GULP1: variants seen among roughly 807,000 people sequenced by gnomAD.
GULP1 encodes GULP PTB domain containing engulfment adaptor 1.
A neutral mutation model predicts 40.9 loss-of-function variants in GULP1; 19 were observed. The ratio of observed to expected loss-of-function variants is 0.46; its 90% CI spans 0.32 to 0.68. The LOEUF (loss-of-function observed/expected upper bound fraction) is 0.68, where lower values mean the gene tolerates loss of function less well. Ranked by LOEUF, GULP1 falls within the 30% of genes least tolerant of loss-of-function variation. The pLI is 0.03. For missense variants in GULP1, 312 were observed against 362.2 expected, an observed-to-expected ratio of 0.86 and a Z score of 1.12; for synonymous variants, 119 against 117.6, an observed-to-expected ratio of 1.01 and a Z score of -0.08.
intron 4 of GULP1, among the ~76,000 whole-genome samples, chr2:188,496,394 G>A (rs2062897347): frequency 6.6e-6 from 1 of 151,922 alleles, no homozygotes. Flanking sequence ...AACATTTGGC[G>A]AGGAGATGAT....
In GULP1 at chr2:188,361,916, C is replaced by T. The variant is rs534122043; in HGVS notation, c.-171-21847C>T. On this transcript the variant is annotated intron_variant, in intron 1 of 11. Transcript: ENST00000409830. ...AAAATCTTGTTTCCATCATGATTGC[C>T]TGCTTTTCCAAATTTAATTCTATTT... 4.6e-5 allele frequency among the ~76,000 whole-genome samples: 7 copies of T among 152,080 alleles called. No homozygotes were observed. In the East Asian group the frequency reaches 1.4e-3, roughly 29 times the overall value.
At chr2:188,491,308 A>G (rs1421201585) in intron 4 of GULP1, 2 of 152,114 alleles carry the variant, frequency 1.3e-5, no homozygotes, top group African/African-American at 2.4e-5. Context: ...GTTTTTATCA[A>G]TACCATTTCA....
At chr2:188,414,586 T>C (rs72909594) in intron 2 of GULP1, among the ~76,000 whole-genome samples, 1,854 of 152,290 alleles carry the variant, frequency 0.012, 16 homozygotes, top group East Asian at 0.022. Context: ...CCCAGAGTGC[T>C]CAAAAGAATG....
At chr2:188,370,960 T>C (rs1476257182) in intron 1 of GULP1, among the ~76,000 whole-genome samples, 1 of 152,110 alleles carries the variant, frequency 6.6e-6, no homozygotes, top group Non-Finnish European at 1.5e-5. Flanking sequence ...TTAACACTTT[T>C]CATTCTTTAC....
intron 9 of GULP1, among the ~76,000 whole-genome samples, chr2:188,580,571 G>A (rs554572567): frequency 7.1e-6 from 1 of 141,026 alleles, no homozygotes; most frequent in East Asian, 2.2e-4. Context: ...AAAAAAAATG[G>A]AGATCAACAG....
At chr2:188,457,307 G>T (rs1559263240) in intron 2 of GULP1, among the ~76,000 whole-genome samples, 1 of 152,164 alleles carries the variant, frequency 6.6e-6, no homozygotes, top group Non-Finnish European at 1.5e-5. Flanking sequence ...AGCTTGAATT[G>T]TAACTCCCAC....
At chr2:188,560,371 T>C (rs1695925620) in intron 7 of GULP1, among the ~76,000 whole-genome samples, 1 of 152,222 alleles carries the variant, frequency 6.6e-6, no homozygotes, top group African/African-American at 2.4e-5. Context: ...TCATCATTTA[T>C]ATCTCAGACC....
intron 2 of GULP1, among the ~76,000 whole-genome samples, chr2:188,441,035 A>G (rs1311013739): frequency 1.3e-5 from 2 of 151,524 alleles, no homozygotes; most frequent in Non-Finnish European, 2.9e-5. Flanking sequence ...TTAGAGGGCA[A>G]AGGCTTTGGG....
intron 1 of GULP1, among the ~76,000 whole-genome samples, chr2:188,376,118 C>T (rs10153666): frequency 0.024 from 3,590 of 152,042 alleles, 153 homozygotes; most frequent in African/African-American, 0.082. Flanking sequence ...GGAGGTGGAC[C>T]GACCCATGCA....
chr2:188,542,447 T>C (rs955661416), intron 7 of GULP1, among the ~76,000 whole-genome samples: 8 of 152,154 alleles, frequency 5.3e-5, no homozygotes, highest in Non-Finnish European at 1.2e-4. Context: ...AAGTGGACAA[T>C]AGGTGCTCAA....
chr2:188,325,860 ACT>A (rs1264475572), intron 1 of GULP1, among the ~76,000 whole-genome samples: 2 of 151,998 alleles, frequency 1.3e-5, no homozygotes, highest in Admixed American at 1.3e-4. Context: ...TCAGCACTTA[ACT>A]CTTCATAGAT....
In GULP1 at chr2:188,594,309, G is replaced by A. The variant is rs561643552; in HGVS notation, c.*298G>A. On this transcript the variant is annotated 3_prime_UTR_variant, in exon 12 of 12. Coordinates refer to ENST00000409830, the MANE Select transcript of GULP1 (RefSeq NM_016315.4). ...CTGCCTTGTGTCTGAGTTCTATTTA[G>A]TTAGCATCTTGAAATTTGTATTCAT... 1.0e-5 allele frequency: 2 copies of A among 194,862 alleles called. No individual in the cohort carries two copies. Among genetic ancestry groups the A allele is most frequent in the African/African-American group, 4.6e-5 (2 of 43,220 alleles). The allele number at this position is 194,862 out of a possible 1,614,324, so 12.1% of individuals were successfully genotyped here.
chr2:188,344,055 G>A (rs887947882), intron 1 of GULP1, among the ~76,000 whole-genome samples: 3 of 152,070 alleles, frequency 2.0e-5, no homozygotes, highest in East Asian at 1.9e-4. Flanking sequence ...GTGAGCCCCC[G>A]CCTCAGCCTC....
At chr2:188,366,594 T>C (rs1246846248) in intron 1 of GULP1, among the ~76,000 whole-genome samples, 2 of 142,720 alleles carry the variant, frequency 1.4e-5, no homozygotes, top group East Asian at 2.0e-4. Flanking sequence ...CTTTCTTTTT[T>C]TTTTTTTTTT....
At chr2:188,443,086 C>G (rs751422335) in intron 2 of GULP1, among the ~76,000 whole-genome samples, 1 of 151,922 alleles carries the variant, frequency 6.6e-6, no homozygotes, top group African/African-American at 2.4e-5. Context: ...TGTTTGAACC[C>G]CTGTTGGATT....
At chr2:188,427,459 G>T (rs186600982) in intron 2 of GULP1, among the ~76,000 whole-genome samples, 38 of 152,344 alleles carry the variant, frequency 2.5e-4, no homozygotes, top group African/African-American at 7.7e-4. Context: ...GGACCTAGGA[G>T]AACTCAATCG....
intron 2 of GULP1, among the ~76,000 whole-genome samples, chr2:188,400,916 GGTGTGTTT>G (rs2052153577): frequency 1.6e-5 from 2 of 126,322 alleles, no homozygotes; most frequent in Admixed American, 1.7e-4. Flanking sequence ...GGAAGAGAGT[GGTGTGTTT>G]GTGTGTGTGT....
Position 188,547,242 on chromosome 2 carries a change from GA to G in GULP1, c.399+5937del, listed in dbSNP as rs773467445. ...GATACCAAAACCAGACTTAGACAAT[GA>G]AAAAAAAAAAAACACTAGAGATCTG... On this transcript the variant is annotated intron_variant, in intron 7 of 11. Transcript: ENST00000409830. Among the ~76,000 whole-genome samples the G allele has an allele frequency of 1.3e-3, 162 of 120,826 alleles. 1 individual carries two copies. The highest frequency in any genetic ancestry group is 8.5e-3 in the Middle Eastern group (2 of 234). 79.3% of individuals were successfully genotyped at this position (120,826 alleles called of 152,430 possible).
intron 2 of GULP1, among the ~76,000 whole-genome samples, chr2:188,446,944 G>A (rs561413822): frequency 3.6e-4 from 55 of 152,124 alleles, no homozygotes; most frequent in Non-Finnish European, 6.8e-4. Flanking sequence ...AGTGACCATG[G>A]CCCATGACAC....
Sources: allele counts gnomAD v4.1 joint callset (sites outside exome capture counted in the v4.1 genomes callset), GRCh38; gene constraint gnomAD v4.1.1; transcripts MANE v1.5; gene names NCBI Gene and HGNC (gene_info 2026-07-23, HGNC 2026-07-21).